AKT3: variants seen among roughly 807,000 people sequenced by gnomAD.
AKT3 encodes AKT serine/threonine kinase 3.
AKT3 carries 15 observed loss-of-function variants against 65.3 expected under a neutral mutation model. That is an observed-to-expected ratio of 0.23 (90% CI 0.15 to 0.35). AKT3 has a LOEUF of 0.35. AKT3 is among the 10% of genes least tolerant of loss of function. The pLI is 1.00. For synonymous variants in AKT3, 206 were observed against 183.8 expected (o/e 1.12, Z -0.98); for missense variants, 243 against 576.5 (o/e 0.42, Z 5.92).
intron 4 of AKT3, among the ~76,000 whole-genome samples, chr1:243,655,367 A>G (rs1042674487): frequency 1.3e-5 from 2 of 152,176 alleles, no homozygotes; most frequent in Admixed American, 1.3e-4. Context: ...CTGTAGAATC[A>G]AACAATTTTA....
At chr1:243,560,789 G>A (rs1673721836) in intron 10 of AKT3, among the ~76,000 whole-genome samples, 1 of 152,074 alleles carries the variant, frequency 6.6e-6, no homozygotes, top group South Asian at 2.1e-4. Context: ...CACTGCATAT[G>A]AAATAATATA....
In AKT3 at chr1:243,504,941, A is replaced by G; in HGVS notation, c.*308T>C. 3 of 349,308 alleles carry G rather than the reference A, an allele frequency of 8.6e-6. No homozygotes were observed. The highest frequency in any genetic ancestry group is 4.5e-5 in the East Asian group (1 of 22,370). 21.6% of individuals were successfully genotyped at this position (349,308 alleles called of 1,614,324 possible). The stretch of plus-strand genomic sequence containing the variant: ...ATGATAATTGGTGCACAAATGAACA[A>G]TGGTGGGCTCATGACTTCCAAAGGT... On this transcript the variant is annotated 3_prime_UTR_variant, in exon 14 of 14. Coordinates refer to ENST00000673466, the MANE Select transcript of AKT3 (RefSeq NM_005465.7).
At chr1:243,672,975 G>C (rs1004531083) in intron 3 of AKT3, among the ~76,000 whole-genome samples, 21 of 152,192 alleles carry the variant, frequency 1.4e-4, no homozygotes, top group Admixed American at 5.2e-4. Context: ...AATGACATAA[G>C]GCATTTACTA....
intron 2 of AKT3, among the ~76,000 whole-genome samples, chr1:243,838,837 T>A (rs1421987670): frequency 2.6e-5 from 4 of 152,294 alleles, no homozygotes; most frequent in Non-Finnish European, 5.9e-5. Flanking sequence ...GGGAAAAAGT[T>A]ATTTGAAAGC....
chr1:243,791,101 T>A (rs1691603116), intron 2 of AKT3, among the ~76,000 whole-genome samples: 1 of 152,170 alleles, frequency 6.6e-6, no homozygotes, highest in South Asian at 2.1e-4. Flanking sequence ...GCCACAAATC[T>A]TCAATTTGTA....
intron 2 of AKT3, among the ~76,000 whole-genome samples, chr1:243,784,447 A>G (rs1572343850): frequency 6.6e-6 from 1 of 152,114 alleles, no homozygotes; most frequent in Admixed American, 6.5e-5. Context: ...AAAGGAACAT[A>G]AAACTATAAA....
At chr1:243,552,118 C>T (rs1281669148) in intron 11 of AKT3, among the ~76,000 whole-genome samples, 1 of 151,644 alleles carries the variant, frequency 6.6e-6, no homozygotes, top group Non-Finnish European at 1.5e-5. Flanking sequence ...GGCAAAACCC[C>T]GTCTCTACTA....
chr1:243,827,284 T>C (rs1694231770), intron 2 of AKT3, among the ~76,000 whole-genome samples: 1 of 152,112 alleles, frequency 6.6e-6, no homozygotes, highest in Non-Finnish European at 1.5e-5. Context: ...GGACCACATA[T>C]ACACAAGACC....
chr1:243,659,218 G>T (rs1041826464), intron 4 of AKT3, among the ~76,000 whole-genome samples: 2 of 152,144 alleles, frequency 1.3e-5, no homozygotes, highest in Admixed American at 6.6e-5. Context: ...TAAAGTAGTC[G>T]AATTCACAGA....
intron 3 of AKT3, among the ~76,000 whole-genome samples, chr1:243,693,544 A>C (rs1235299469): frequency 6.6e-6 from 1 of 151,858 alleles, no homozygotes; most frequent in African/African-American, 2.4e-5. Flanking sequence ...AGAATCACAG[A>C]ATGTCAGGGA....
At chr1:243,642,581 T>G (rs1048925185) in intron 5 of AKT3, among the ~76,000 whole-genome samples, 1 of 152,274 alleles carries the variant, frequency 6.6e-6, no homozygotes, top group Admixed American at 6.5e-5. Context: ...AGTGCTGGGA[T>G]TACAGGCGTG....
At chr1:243,571,973 TTC>T (rs1169170050) in intron 9 of AKT3, among the ~76,000 whole-genome samples, 7 of 152,208 alleles carry the variant, frequency 4.6e-5, no homozygotes, top group Admixed American at 4.6e-4. Context: ...CTCATGTAAC[TTC>T]TGTTTCTACC....
intron 4 of AKT3, among the ~76,000 whole-genome samples, chr1:243,655,403 T>A (rs2147881293): frequency 6.6e-6 from 1 of 152,288 alleles, no homozygotes; most frequent in African/African-American, 2.4e-5. Flanking sequence ...CTAATTAATG[T>A]ATAGTTCTTT....
At chr1:243,578,348 C>T (rs911992228) in intron 8 of AKT3, among the ~76,000 whole-genome samples, 3 of 152,096 alleles carry the variant, frequency 2.0e-5, no homozygotes, top group Admixed American at 6.5e-5. Context: ...AAATACTATG[C>T]GGCCATAAAA....
chr1:243,560,082 T>A (rs1456760496), intron 10 of AKT3, among the ~76,000 whole-genome samples: 1 of 152,100 alleles, frequency 6.6e-6, no homozygotes, highest in Non-Finnish European at 1.5e-5. Flanking sequence ...TCCCTATCTA[T>A]GTGTCCAGCC....
intron 1 of AKT3, among the ~76,000 whole-genome samples, chr1:243,849,386 A>ACACCCCCCCCCCCC (rs1695655591): frequency 9.3e-6 from 1 of 107,020 alleles, no homozygotes; most frequent in Non-Finnish European, 1.8e-5. Context: ...CCACACACAC[A>ACACCCCCCCCCCCC]CCCCCCCCCC....
At chr1:243,517,348 G>C (rs1275277528) in intron 12 of AKT3, among the ~76,000 whole-genome samples, 1 of 152,138 alleles carries the variant, frequency 6.6e-6, no homozygotes, top group East Asian at 1.9e-4. Context: ...TATTGCCCAA[G>C]TTGCTATATA....
chr1:243,750,292 T>C (rs1033140384), intron 2 of AKT3, among the ~76,000 whole-genome samples: 8 of 152,244 alleles, frequency 5.3e-5, no homozygotes, highest in African/African-American at 1.9e-4. Context: ...TTAACATACA[T>C]TTTGTATCAT....
chr1:243,831,951 T>C (rs1474889662), intron 2 of AKT3, among the ~76,000 whole-genome samples: 1 of 151,758 alleles, frequency 6.6e-6, no homozygotes, highest in Admixed American at 6.6e-5. Flanking sequence ...ACTTGAAATA[T>C]GGCCTCAGTT....
Sources: allele counts gnomAD v4.1 joint callset (sites outside exome capture counted in the v4.1 genomes callset), GRCh38; gene constraint gnomAD v4.1.1; transcripts MANE v1.5; gene names NCBI Gene and HGNC (gene_info 2026-07-23, HGNC 2026-07-21).